The following SCFD2 variants were observed in gnomAD, a reference collection of about 807,000 sequenced individuals.
SCFD2 encodes sec1 family domain-containing protein 2.
Under a neutral mutation model 58.9 loss-of-function variants are expected in SCFD2, and 54 were observed. The ratio of observed to expected loss-of-function variants is 0.92; its 90% CI spans 0.74 to 1.15. The LOEUF is 1.15. SCFD2 is among the 50% of genes most tolerant of loss of function. The probability of loss-of-function intolerance (pLI) is 0.00; values close to 1 mark genes in which losing one functional copy is unlikely to be tolerated. For synonymous variants in SCFD2, 321 were observed against 335.9 expected, an observed-to-expected ratio of 0.96 and a Z score of 0.49; for missense variants, 805 against 836.6, an observed-to-expected ratio of 0.96 and a Z score of 0.47.
chr4:52,875,862 T>C (rs1213206278), intron 8 of SCFD2, among the ~76,000 whole-genome samples: 2 of 107,306 alleles, frequency 1.9e-5, no homozygotes, highest in African/African-American at 6.8e-5. Context: ...ATATAGTTAA[T>C]GTCAGCCAAG....
intron 3 of SCFD2, among the ~76,000 whole-genome samples, chr4:53,299,796 C>T (rs913600850): frequency 1.3e-5 from 2 of 151,606 alleles, no homozygotes; most frequent in African/African-American, 4.8e-5. Context: ...CAATATTCAA[C>T]ATTCTTAAAG....
At chr4:53,291,768 G>A (rs980322123) in intron 3 of SCFD2, among the ~76,000 whole-genome samples, 1 of 151,994 alleles carries the variant, frequency 6.6e-6, no homozygotes, top group African/African-American at 2.4e-5. Context: ...CATGGTACTG[G>A]TACCAAAACA....
rs1291323407 is a variant in SCFD2 at position 53,116,413 on chromosome 4, T to C, written c.1561+28920A>G. 1.3e-4 allele frequency among the ~76,000 whole-genome samples: 20 copies of C among 152,308 alleles called. No homozygotes were observed. In the East Asian group the frequency reaches 1.4e-3, roughly 10 times the overall value. Reference sequence around the variant, plus strand: ...GGGACATAATAAATAATGTACTGGCTGTTAAAAGCTTTCTGCCCAGAAGTG... The same window carrying C: ...GGGACATAATAAATAATGTACTGGCCGTTAAAAGCTTTCTGCCCAGAAGTG... On this transcript the variant is annotated intron_variant, in intron 5 of 8. Transcript: ENST00000401642.
intron 2 of SCFD2, among the ~76,000 whole-genome samples, chr4:53,325,112 TCTTA>T (rs1234811767): frequency 6.6e-6 from 1 of 152,030 alleles, no homozygotes; most frequent in East Asian, 1.9e-4. Context: ...CTAACTTCCC[TCTTA>T]CTTTTGTTTC....
chr4:53,086,180 C>T (rs11133242), intron 5 of SCFD2, among the ~76,000 whole-genome samples: 93,629 of 151,988 alleles, frequency 0.62, 29,825 homozygotes, highest in Non-Finnish European at 0.71. Flanking sequence ...AACAATTGTA[C>T]AGGAAAAAAA....
At chr4:53,164,419 T>C (rs1047136092) in intron 4 of SCFD2, among the ~76,000 whole-genome samples, 8 of 152,124 alleles carry the variant, frequency 5.3e-5, no homozygotes, top group African/African-American at 9.7e-5. Context: ...TCTACGTGCC[T>C]AGGTCCAGCC....
intron 5 of SCFD2, among the ~76,000 whole-genome samples, chr4:53,007,588 G>A (rs1722007489): frequency 6.6e-6 from 1 of 152,050 alleles, no homozygotes; most frequent in Admixed American, 6.5e-5. Context: ...TATGTTCTGG[G>A]GCAATCTACC....
At chr4:53,228,368 G>A (rs1179085426) in intron 4 of SCFD2, among the ~76,000 whole-genome samples, 1 of 152,128 alleles carries the variant, frequency 6.6e-6, no homozygotes, top group Non-Finnish European at 1.5e-5. Context: ...TTAGAGACAT[G>A]AGCAGCTATA....
At chr4:53,359,475 CAG>C (rs1184887467) in intron 1 of SCFD2, among the ~76,000 whole-genome samples, 2 of 152,168 alleles carry the variant, frequency 1.3e-5, no homozygotes, top group Non-Finnish European at 2.9e-5. Flanking sequence ...CCTGTAATCC[CAG>C]CACTTTGGGA....
intron 4 of SCFD2, among the ~76,000 whole-genome samples, chr4:53,146,102 T>G (rs1016428388): frequency 6.6e-6 from 1 of 152,322 alleles, no homozygotes; most frequent in South Asian, 2.1e-4. Flanking sequence ...CTAAATCTGA[T>G]GAATAAAATA....
intron 4 of SCFD2, among the ~76,000 whole-genome samples, chr4:53,195,076 C>A (rs531659667): frequency 6.4e-4 from 98 of 152,268 alleles, no homozygotes; most frequent in African/African-American, 2.2e-3. Flanking sequence ...ATGGGCTCTA[C>A]AGTCAGAATG....
intron 4 of SCFD2, among the ~76,000 whole-genome samples, chr4:53,160,339 G>A (rs73143458): frequency 0.098 from 14,893 of 152,236 alleles, 856 homozygotes; most frequent in East Asian, 0.23. Context: ...AGGGAGACAG[G>A]AAGCAATTTC....
At chr4:53,184,042 G>A (rs968564473) in intron 4 of SCFD2, among the ~76,000 whole-genome samples, 18 of 152,108 alleles carry the variant, frequency 1.2e-4, no homozygotes, top group African/African-American at 2.2e-4. Context: ...GCTAGATAAC[G>A]TAACCTACTC....
intron 4 of SCFD2, among the ~76,000 whole-genome samples, chr4:53,244,665 T>A (rs1730006944): frequency 6.6e-6 from 1 of 151,992 alleles, no homozygotes; most frequent in South Asian, 2.1e-4. Flanking sequence ...ATTAACAACC[T>A]AACATCACAA....
intron 3 of SCFD2, among the ~76,000 whole-genome samples, chr4:53,295,494 T>C (rs1731995670): frequency 6.6e-6 from 1 of 152,216 alleles, no homozygotes; most frequent in Non-Finnish European, 1.5e-5. Flanking sequence ...CTTTGTATCG[T>C]GAGACTTTGC....
intron 4 of SCFD2, among the ~76,000 whole-genome samples, chr4:53,195,040 A>T (rs1728020452): frequency 2.6e-5 from 4 of 152,154 alleles, no homozygotes; most frequent in African/African-American, 9.7e-5. Context: ...AGTATGTATC[A>T]TGTAGTGGTA....
intron 5 of SCFD2, among the ~76,000 whole-genome samples, chr4:52,999,802 C>T (rs557752978): frequency 2.0e-5 from 3 of 152,292 alleles, no homozygotes; most frequent in African/African-American, 7.2e-5. Context: ...ATGATCATCA[C>T]GGTTCAAGGT....
At position 52,896,213 on chromosome 4, in the gene SCFD2, T is replaced by G. The variant is rs201554818; in HGVS notation, c.1843-10347A>C. ...TGGCTTTTGTTGCCATTGCTTTTGG[T>G]GTTTTAGACATGAAGTCCTTGCCCA... On this transcript the variant is annotated intron_variant, in intron 7 of 8. Coordinates refer to ENST00000401642, the MANE Select transcript of SCFD2 (RefSeq NM_152540.4). Among the ~76,000 whole-genome samples, 60 of 152,300 alleles carry G rather than the reference T, an allele frequency of 3.9e-4. No homozygotes were observed. The East Asian group carries it at 0.011, about 28-fold the overall frequency.
At chr4:53,122,094 A>G (rs1414506910) in intron 5 of SCFD2, among the ~76,000 whole-genome samples, 1 of 152,092 alleles carries the variant, frequency 6.6e-6, no homozygotes, top group Non-Finnish European at 1.5e-5. Context: ...TCTGAACCCT[A>G]GTCTGGGCGC....
Sources: gnomAD v4.1 joint callset for allele counts (sites outside exome capture counted in the v4.1 genomes callset) on GRCh38, gnomAD v4.1.1 for gene constraint, MANE v1.5 for transcripts, NCBI Gene and HGNC (gene_info 2026-07-23, HGNC 2026-07-21) for gene names.